Variants in NPAS3 observed in about 807,000 individuals in gnomAD.
NPAS3 encodes the protein neuronal PAS domain protein 3, also known as neuronal PAS domain-containing protein 3.
NPAS3 carries 14 observed loss-of-function variants against 73.1 expected under a neutral mutation model. The ratio of observed to expected loss-of-function variants is 0.19; its 90% CI spans 0.13 to 0.30. NPAS3 has a LOEUF of 0.30. Ranked by LOEUF, NPAS3 falls within the 10% of genes least tolerant of loss-of-function variation. The probability of loss-of-function intolerance (pLI) is 1.00; values close to 1 mark genes in which losing one functional copy is unlikely to be tolerated. For synonymous variants in NPAS3, 620 were observed against 541.5 expected (o/e 1.14, Z -2.01); for missense variants, 1,096 against 1,250.0 (o/e 0.88, Z 1.86).
intron 1 of NPAS3, among the ~76,000 whole-genome samples, chr14:33,032,034 A>G (rs1174070031): frequency 6.6e-6 from 1 of 152,244 alleles, no homozygotes; most frequent in Non-Finnish European, 1.5e-5. Context: ...CTCATCTTAG[A>G]TGACTGTCGG....
At chr14:33,802,180 A>T (rs1436291431), downstream of NPAS3, 3 of 152,128 alleles carry the variant, frequency 2.0e-5, no homozygotes, top group Non-Finnish European at 4.4e-5. Flanking sequence ...GAAGGAAAAT[A>T]TTTAACATGT....
At chr14:33,449,881 T>C (rs2049709641) in intron 4 of NPAS3, among the ~76,000 whole-genome samples, 1 of 152,174 alleles carries the variant, frequency 6.6e-6, no homozygotes. Flanking sequence ...TTCCCAGCTG[T>C]GGATATTATT....
chr14:33,052,615 C>A (rs1324081049), intron 1 of NPAS3, among the ~76,000 whole-genome samples: 1 of 152,136 alleles, frequency 6.6e-6, no homozygotes, highest in Non-Finnish European at 1.5e-5. Flanking sequence ...CCAGGTGGAA[C>A]TCAGCTTAGA....
chr14:33,692,729 TAAC>T (rs889970227), intron 6 of NPAS3, among the ~76,000 whole-genome samples: 1 of 151,258 alleles, frequency 6.6e-6, no homozygotes, highest in African/African-American at 2.4e-5. Context: ...TCAACTTAAT[TAAC>T]AACCCTTATT....
intron 3 of NPAS3, among the ~76,000 whole-genome samples, chr14:33,335,373 A>G (rs544480976): frequency 3.3e-5 from 5 of 152,264 alleles, no homozygotes; most frequent in Admixed American, 6.5e-5. Context: ...GTCTCTTGGT[A>G]GTAACTCTTC....
intron 2 of NPAS3, among the ~76,000 whole-genome samples, chr14:33,072,852 G>T (rs1224080994): frequency 1.3e-5 from 2 of 151,786 alleles, no homozygotes. Context: ...CAGTAACCTT[G>T]GTACATAGTG....
chr14:33,235,296 C>T (rs908360044), intron 3 of NPAS3, among the ~76,000 whole-genome samples: 3 of 152,058 alleles, frequency 2.0e-5, no homozygotes, highest in South Asian at 2.1e-4. Context: ...GTTAATTAAG[C>T]GATAGTATAA....
chr14:33,631,638 G>A (rs2058379438), intron 5 of NPAS3, among the ~76,000 whole-genome samples: 1 of 152,194 alleles, frequency 6.6e-6, no homozygotes, highest in Non-Finnish European at 1.5e-5. Context: ...GATTGATATA[G>A]ACTCTCTTTG....
At chr14:33,171,204 CT>C (rs967764822) in intron 2 of NPAS3, among the ~76,000 whole-genome samples, 2 of 152,112 alleles carry the variant, frequency 1.3e-5, no homozygotes, top group African/African-American at 4.8e-5. Flanking sequence ...TGAAAGGAAT[CT>C]TTTTTTCTGA....
intron 3 of NPAS3, among the ~76,000 whole-genome samples, chr14:33,364,612 A>T (rs2045751708): frequency 1.3e-5 from 2 of 152,200 alleles, no homozygotes; most frequent in Non-Finnish European, 2.9e-5. Context: ...GCTAGGGTGT[A>T]TGGGGGTACA....
chr14:33,610,422 T>C (rs1362383660), intron 5 of NPAS3, among the ~76,000 whole-genome samples: 1 of 152,108 alleles, frequency 6.6e-6, no homozygotes, highest in East Asian at 1.9e-4. Flanking sequence ...CAAAATAAAG[T>C]TTTTCCCTCT....
intron 3 of NPAS3, among the ~76,000 whole-genome samples, chr14:33,306,440 G>A (rs2042757876): frequency 6.6e-6 from 1 of 152,148 alleles, no homozygotes; most frequent in African/African-American, 2.4e-5. Flanking sequence ...TAATCTTTCT[G>A]AAAATCATAT....
chr14:33,558,005 T>G lies in NPAS3; in HGVS notation c.469-2116T>G, dbSNP rs12887824. 7.9e-5 allele frequency among the ~76,000 whole-genome samples: 12 copies of G among 152,240 alleles called. No homozygotes were observed. In the South Asian group the frequency reaches 2.3e-3, roughly 29 times the overall value. ...AAAAATGTAGATAATAATACTATAA[T>G]TTCATATAGTACTTGTGAAAATTAA... is the stretch of plus-strand genomic sequence containing the variant. On this transcript the variant is annotated intron_variant, in intron 4 of 11. Transcript: ENST00000356141.
intron 2 of NPAS3, among the ~76,000 whole-genome samples, chr14:33,168,156 C>T (rs1482790223): frequency 6.6e-6 from 1 of 152,198 alleles, no homozygotes; most frequent in Admixed American, 6.5e-5. Context: ...TCAGCTTGGA[C>T]TCACAGGCTG....
At chr14:33,767,509 G>A (rs1172306751) in intron 7 of NPAS3, among the ~76,000 whole-genome samples, 2 of 151,088 alleles carry the variant, frequency 1.3e-5, no homozygotes, top group Non-Finnish European at 2.9e-5. Context: ...CAGAGTGCCA[G>A]AAGGAAGCTT....
chr14:33,583,955 A>C (rs946423374), intron 5 of NPAS3, among the ~76,000 whole-genome samples: 1 of 152,168 alleles, frequency 6.6e-6, no homozygotes, highest in Non-Finnish European at 1.5e-5. Flanking sequence ...TAGGGAGCCA[A>C]TGAATTTGGA....
At chr14:33,479,184 G>A (rs995970887) in intron 4 of NPAS3, among the ~76,000 whole-genome samples, 4 of 152,122 alleles carry the variant, frequency 2.6e-5, no homozygotes, top group Non-Finnish European at 5.9e-5. Flanking sequence ...ATTTCATTAT[G>A]CCAACTAAGA....
chr14:33,479,377 C>A (rs1175037626), intron 4 of NPAS3, among the ~76,000 whole-genome samples: 1 of 152,102 alleles, frequency 6.6e-6, no homozygotes, highest in Non-Finnish European at 1.5e-5. Context: ...GCCTTACTAC[C>A]CCACCCCCAA....
upstream of NPAS3, among the ~76,000 whole-genome samples, chr14:32,936,583 C>T (rs2035701517): frequency 6.6e-6 from 1 of 152,060 alleles, no homozygotes; most frequent in East Asian, 1.9e-4. Context: ...GCAATGGTCA[C>T]AATAGTATGG....
Sources: gnomAD v4.1 joint callset for allele counts (sites outside exome capture counted in the v4.1 genomes callset) on GRCh38, gnomAD v4.1.1 for gene constraint, MANE v1.5 for transcripts, NCBI Gene and HGNC (gene_info 2026-07-23, HGNC 2026-07-21) for gene names.